The following SPAG16 variants were observed in gnomAD, a reference collection of about 807,000 sequenced individuals.
SPAG16 encodes the protein sperm associated antigen 16, also known as sperm-associated antigen 16 protein.
SPAG16 carries 86 observed loss-of-function variants against 80.4 expected under a neutral mutation model. That is an observed-to-expected ratio of 1.07 (90% CI 0.90 to 1.28). The LOEUF (loss-of-function observed/expected upper bound fraction) is 1.28, where lower values mean the gene tolerates loss of function less well. SPAG16 is among the 50% of genes most tolerant of loss of function. The pLI is 0.00. For synonymous variants in SPAG16, 294 were observed against 265.9 expected (o/e 1.11, Z -1.03); for missense variants, 870 against 765.3 (o/e 1.14, Z -1.61).
chr2:213,342,418 G>T (rs555182429), intron 6 of SPAG16, among the ~76,000 whole-genome samples: 4 of 148,572 alleles, frequency 2.7e-5, no homozygotes, highest in Non-Finnish European at 5.9e-5. Context: ...TCAGAAAGGA[G>T]GATAGAACTG....
At chr2:213,801,153 T>A (rs538980614) in intron 10 of SPAG16, among the ~76,000 whole-genome samples, 4 of 152,338 alleles carry the variant, frequency 2.6e-5, no homozygotes, top group Admixed American at 2.6e-4. Context: ...GGAAAATAGT[T>A]ATTGTCAAAT....
In SPAG16 at chr2:214,074,555, T is replaced by C. The variant is rs112518594; in HGVS notation, c.1528-33641T>C. Among the ~76,000 whole-genome samples the C allele has an allele frequency of 6.7e-3, 1,021 of 152,214 alleles. 7 individuals carry two copies. Among genetic ancestry groups the C allele is most frequent in the African/African-American group, 0.024 (985 of 41,524 alleles). On this transcript the variant is annotated intron_variant, in intron 13 of 15. Transcript: ENST00000331683. Reference sequence around the variant, plus strand: ...CATGTATTATTACTGAAAGAGAAGATAGAAACACTTTCAATTATCAAAATC... The same window carrying C: ...CATGTATTATTACTGAAAGAGAAGACAGAAACACTTTCAATTATCAAAATC...
chr2:213,438,376 G>A (rs545668326), intron 9 of SPAG16, among the ~76,000 whole-genome samples: 8 of 152,344 alleles, frequency 5.3e-5, no homozygotes, highest in Middle Eastern at 3.4e-3. Flanking sequence ...AATTCAAGGC[G>A]TGAGGATGTG....
At chr2:214,080,891 C>G (rs1320587477) in intron 13 of SPAG16, among the ~76,000 whole-genome samples, 2 of 151,656 alleles carry the variant, frequency 1.3e-5, no homozygotes, top group Non-Finnish European at 2.9e-5. Flanking sequence ...TACAGATATA[C>G]AGATGGAGAG....
intron 10 of SPAG16, among the ~76,000 whole-genome samples, chr2:213,688,660 A>T (rs2064801813): frequency 6.6e-6 from 1 of 152,230 alleles, no homozygotes; most frequent in Non-Finnish European, 1.5e-5. Context: ...AGATAAAAAA[A>T]ATCAAAGCTT....
At chr2:213,631,377 G>T (rs995648639) in intron 10 of SPAG16, among the ~76,000 whole-genome samples, 3 of 152,066 alleles carry the variant, frequency 2.0e-5, no homozygotes, top group Admixed American at 6.6e-5. Flanking sequence ...ATGTTCCATT[G>T]ACCATTCTGA....
chr2:213,936,138 T>TG (rs958693804), intron 12 of SPAG16, among the ~76,000 whole-genome samples: 1 of 151,998 alleles, frequency 6.6e-6, no homozygotes, highest in African/African-American at 2.4e-5. Flanking sequence ...AGCAGATACT[T>TG]GGGAGGAGAA....
At chr2:213,507,664 C>A (rs1341590179) in intron 10 of SPAG16, among the ~76,000 whole-genome samples, 1 of 152,180 alleles carries the variant, frequency 6.6e-6, no homozygotes, top group Admixed American at 6.5e-5. Context: ...CTCACCTGGA[C>A]CTCTAAGTGT....
intron 10 of SPAG16, among the ~76,000 whole-genome samples, chr2:213,637,841 C>G (rs182295086): frequency 1.3e-5 from 2 of 152,298 alleles, no homozygotes; most frequent in Admixed American, 1.3e-4. Flanking sequence ...ACGGCAAGCT[C>G]TGACTCCCGG....
At chr2:214,174,323 A>C (rs1276562657) in intron 15 of SPAG16, among the ~76,000 whole-genome samples, 1 of 151,992 alleles carries the variant, frequency 6.6e-6, no homozygotes, top group Admixed American at 6.6e-5. Context: ...TTGTATATCT[A>C]GAAAACCCCA....
chr2:214,027,237 C>G (rs2048177899), intron 13 of SPAG16, among the ~76,000 whole-genome samples: 1 of 151,350 alleles, frequency 6.6e-6, no homozygotes, highest in Admixed American at 6.6e-5. Flanking sequence ...TAATAGCATA[C>G]TATAAATATT....
At chr2:213,751,993 AG>A (rs879845268) in intron 10 of SPAG16, among the ~76,000 whole-genome samples, 98 of 152,336 alleles carry the variant, frequency 6.4e-4, no homozygotes, top group African/African-American at 2.1e-3. Context: ...AAACCGAAAA[AG>A]TAAAGGTGAT....
At chr2:213,526,043 A>C (rs1411561259) in intron 10 of SPAG16, among the ~76,000 whole-genome samples, 1 of 152,150 alleles carries the variant, frequency 6.6e-6, no homozygotes, top group Non-Finnish European at 1.5e-5. Flanking sequence ...ACATTTCTAA[A>C]TAGCCTCCTT....
rs576383169 is a variant in SPAG16 at position 213,637,797 on chromosome 2, G to A, written c.1070+147707G>A. ...TTTTGAGATGAAGTCTCACTCTGTTGCCCAGGCTGGAGTGTAGTGGCTAAT... is the reference window on the plus strand; with the variant it reads ...TTTTGAGATGAAGTCTCACTCTGTTACCCAGGCTGGAGTGTAGTGGCTAAT... On this transcript the variant is annotated intron_variant, in intron 10 of 15. Transcript: ENST00000331683. Among the ~76,000 whole-genome samples the A allele has an allele frequency of 6.4e-4, 97 of 152,192 alleles. 1 individual carries two copies. The highest frequency in any genetic ancestry group is 1.5e-3 in the South Asian group (7 of 4,820).
At chr2:213,682,382 T>C (rs920192547) in intron 10 of SPAG16, among the ~76,000 whole-genome samples, 13 of 152,214 alleles carry the variant, frequency 8.5e-5, no homozygotes, top group Admixed American at 2.0e-4. Flanking sequence ...CACTTTGATG[T>C]TGATTTCTTT....
chr2:213,807,380 C>T (rs547642689), intron 10 of SPAG16, among the ~76,000 whole-genome samples: 2 of 151,906 alleles, frequency 1.3e-5, no homozygotes, highest in Non-Finnish European at 2.9e-5. Flanking sequence ...GCCATTCATT[C>T]TGTCACCTCC....
At chr2:213,558,956 G>A (rs918377185) in intron 10 of SPAG16, among the ~76,000 whole-genome samples, 3 of 151,674 alleles carry the variant, frequency 2.0e-5, no homozygotes, top group African/African-American at 7.3e-5. Context: ...TCTTTAATAG[G>A]GAAAAACTTT....
chr2:213,983,004 C>T (rs1031969825), intron 12 of SPAG16, among the ~76,000 whole-genome samples: 3 of 151,900 alleles, frequency 2.0e-5, no homozygotes, highest in African/African-American at 7.2e-5. Flanking sequence ...AATTTTCACT[C>T]TTGAATGTTT....
At chr2:214,049,192 A>G (rs2049506199) in intron 13 of SPAG16, among the ~76,000 whole-genome samples, 1 of 152,258 alleles carries the variant, frequency 6.6e-6, no homozygotes, top group Non-Finnish European at 1.5e-5. Context: ...AAATGTGCTT[A>G]TAGCAATCTG....
Sources: allele counts gnomAD v4.1 joint callset (sites outside exome capture counted in the v4.1 genomes callset), GRCh38; gene constraint gnomAD v4.1.1; transcripts MANE v1.5; gene names NCBI Gene and HGNC (gene_info 2026-07-23, HGNC 2026-07-21).